The following MIA3 variants were observed in gnomAD, a reference collection of about 807,000 sequenced individuals.
MIA3 encodes the protein transport and Golgi organization protein 1 homolog.
In MIA3, 90 loss-of-function variants were observed where a neutral mutation model predicts 192.4. The observed-to-expected ratio is 0.47, with a 90% confidence interval of 0.39 to 0.56. The LOEUF is 0.56. Among genes scored for constraint, MIA3 ranks in the 20% least tolerant of loss-of-function variants. MIA3 has a pLI of 0.00. For missense variants in MIA3, 2,123 were observed against 2,269.4 expected (o/e 0.94, Z 1.31); for synonymous variants, 740 against 792.8 (o/e 0.93, Z 1.12).
In MIA3 at chr1:222,628,129, T is replaced by G. The variant is rs1398062151; in HGVS notation, c.909T>G (p.Phe303Leu). The G allele has an allele frequency of 6.2e-7, 1 of 1,613,856 alleles. No homozygotes were observed. Among genetic ancestry groups the G allele is most frequent in the East Asian group, 2.2e-5 (1 of 44,890 alleles). Residue 303 changes from phenylalanine to leucine, a missense_variant, in exon 4 of 28, where the codon TTT becomes TTG. Phe to Leu is a conservative substitution (Grantham distance 22). Transcript: ENST00000344922. Reference protein sequence around the residue: ...TRLVTSLEDDFDEELDTEYYA... With the variant: ...TRLVTSLEDDLDEELDTEYYA... ...TCGTTACTTCATTAGAAGATGATTTTGATGAGGAATTGGATACTGAGTATT... is the reference window on the plus strand; with the variant it reads ...TCGTTACTTCATTAGAAGATGATTTGGATGAGGAATTGGATACTGAGTATT...
rs1056746336 is a variant in MIA3, at chr1:222,637,546, A to G, written c.3477+4297A>G. ...TTTTGTTTATTTAAACAGTTTTCAA[A>G]ATAACGAGTTAGACAACTCATTCGT... On this transcript the variant is annotated intron_variant, in intron 6 of 27. Coordinates refer to ENST00000344922, the MANE Select transcript of MIA3 (RefSeq NM_198551.4). 3.3e-5 allele frequency among the ~76,000 whole-genome samples: 5 copies of G among 152,216 alleles called. No homozygotes were observed. In the East Asian group the frequency reaches 9.6e-4, roughly 29 times the overall value.
chr1:222,658,992 G>A (rs895863561), intron 19 of MIA3, 169 bp downstream of exon 19: 3 of 535,662 alleles, frequency 5.6e-6, no homozygotes, highest in Non-Finnish European at 6.7e-6. Context: ...CAAATACCCA[G>A]TGCTGGCAAA....
Position 222,628,815 on chromosome 1 carries a change from C to G in MIA3, c.1595C>G (p.Ala532Gly), listed in dbSNP as rs1216106388. The change falls in exon 4 of 28, where the codon GCT (alanine) becomes GGT (glycine). Residue 532 changes from alanine (A) to glycine (G), a missense_variant. Coordinates refer to ENST00000344922, the MANE Select transcript of MIA3 (RefSeq NM_198551.4). ...ACAGAAAATGACCTAAAAGGAGCAG[C>G]TATTCATATCTCAAAAGGAATGCTC... ...DDTENDLKGAAIHISKGMLHE... is the reference protein window; with the variant it reads ...DDTENDLKGAGIHISKGMLHE... The G allele has an allele frequency of 6.2e-7, 1 of 1,614,098 alleles. No individual in the cohort carries two copies. Among genetic ancestry groups the G allele is most frequent in the Admixed American group, 1.7e-5 (1 of 60,018 alleles).
rs1488453590 is a variant in MIA3 at position 222,659,303 on chromosome 1, T to A, written c.4710-150T>A. On this transcript the variant is annotated intron_variant, in intron 19 of 27. Transcript: ENST00000344922. ...ATCATTAGTTTTCATCATATTGTAC[T>A]TTTGTTATAACCAACCATGTAAAAT... The A allele has an allele frequency of 1.7e-5, 11 of 661,030 alleles. No individual in the cohort carries two copies. The African/African-American group carries it at 1.8e-4, about 11-fold the overall frequency. The allele number at this position is 661,030 out of a possible 1,614,324, so 40.9% of individuals were successfully genotyped here.
At chr1:222,642,078 T>C (rs891360415) in intron 6 of MIA3, among the ~76,000 whole-genome samples, 3 of 152,112 alleles carry the variant, frequency 2.0e-5, no homozygotes, top group African/African-American at 2.4e-5. Flanking sequence ...TATAAAACTT[T>C]AGGAAATGCA....
At chr1:222,643,197 G>A (rs1662940242) in intron 6 of MIA3, among the ~76,000 whole-genome samples, 1 of 152,082 alleles carries the variant, frequency 6.6e-6, no homozygotes, top group South Asian at 2.1e-4. Context: ...TCAGGTTTCT[G>A]ATTAACTTGG....
intron 24 of MIA3, 109 bp from the exon 25 acceptor site, chr1:222,661,947 G>C: frequency 1.3e-6 from 1 of 752,176 alleles, no homozygotes; most frequent in Non-Finnish European, 2.2e-6. Context: ...AATATTGGGA[G>C]ACCCATTTTT....
At chr1:222,620,034 T>G (rs1661786869) in intron 1 of MIA3, among the ~76,000 whole-genome samples, 1 of 152,194 alleles carries the variant, frequency 6.6e-6, no homozygotes, top group African/African-American at 2.4e-5. Context: ...AAATTGTCCA[T>G]CATCTTAAAC....
In MIA3 at chr1:222,630,143, C is replaced by G. The variant is rs926128903; in HGVS notation, c.2923C>G (p.Leu975Val). ...ESLPYNMEKVLDKVFRASESQ... is the reference protein window; with the variant it reads ...ESLPYNMEKVVDKVFRASESQ... ...CCTGCCCTATAATATGGAAAAAGTC[C>G]TAGATAAGGTCTTCCGTGCTTCTGA... is the stretch of plus-strand genomic sequence containing the variant. The change falls in exon 4 of 28, where the codon CTA (leucine) becomes GTA (valine). Residue 975 changes from leucine (L) to valine (V), a missense_variant. Transcript: ENST00000344922. 3 of 1,614,018 alleles carry G rather than the reference C, an allele frequency of 1.9e-6. No individual in the cohort carries two copies. The highest frequency in any genetic ancestry group is 2.7e-5 in the African/African-American group (2 of 74,914).
Position 222,662,479 on chromosome 1 carries a change from G to C in MIA3, c.5262+147G>C, listed in dbSNP as rs555713968. ...AAAGCAAACTGTTCTCCAAGAGCCT[G>C]AAGTCCCCTCAGTTCCCAGCATTAC... is the stretch of plus-strand genomic sequence containing the variant. On this transcript the variant is annotated intron_variant, in intron 26 of 27. Coordinates refer to ENST00000344922, the MANE Select transcript of MIA3 (RefSeq NM_198551.4). 16 of 1,478,644 alleles carry C rather than the reference G, an allele frequency of 1.1e-5. No homozygotes were observed. In the South Asian group the frequency reaches 1.7e-4, roughly 16 times the overall value. The allele number at this position is 1,478,644 out of a possible 1,614,324, so 91.6% of individuals were successfully genotyped here.
At position 222,648,809 on chromosome 1, in the gene MIA3, AT is replaced by A; in HGVS notation, c.3610-16del. 1 of 1,322,466 alleles carries A rather than the reference AT, an allele frequency of 7.6e-7. No individual in the cohort carries two copies. The highest frequency in any genetic ancestry group is 1.1e-6 in the Non-Finnish European group (1 of 926,538). 81.9% of individuals were successfully genotyped at this position (1,322,466 alleles called of 1,614,324 possible). A position where few individuals can be genotyped will look rare whatever the true frequency, so the allele number is the denominator to read the frequency against. The stretch of plus-strand genomic sequence containing the variant: ...AATAAAATGTTTGACATCAAATTTA[AT>A]TTTATTTCTCTTTTCTAGGTGAAGG... On this transcript the variant is annotated intron_variant, in intron 7 of 27. Coordinates refer to ENST00000344922, the MANE Select transcript of MIA3 (RefSeq NM_198551.4).
intron 6 of MIA3, among the ~76,000 whole-genome samples, chr1:222,644,966 C>CTGTTTTCAAGGAAACATTTAGAAT (rs1663066550): frequency 6.6e-6 from 1 of 152,102 alleles, no homozygotes; most frequent in Non-Finnish European, 1.5e-5. Context: ...GTTTAATGCA[C>CTGTTTTCAAGGAAACATTTAGAAT]TGTTTTCAAG....
chr1:222,633,081 T>G (rs770291927), intron 5 of MIA3, 23 bp from the exon 6 acceptor site: 26 of 1,571,400 alleles, frequency 1.7e-5, no homozygotes, highest in Non-Finnish European at 2.0e-5. Context: ...GCACAAAATG[T>G]CTATCTTTCC....
At chr1:222,642,592 G>A (rs1213564547) in intron 6 of MIA3, among the ~76,000 whole-genome samples, 1 of 152,142 alleles carries the variant, frequency 6.6e-6, no homozygotes, top group East Asian at 1.9e-4. Flanking sequence ...GGATTGTTGA[G>A]TCAGTAGGTA....
At chr1:222,664,553 C>G (rs940889624) in intron 27 of MIA3, among the ~76,000 whole-genome samples, 10 of 152,068 alleles carry the variant, frequency 6.6e-5, no homozygotes, top group African/African-American at 2.2e-4. Flanking sequence ...AGCAGTAGGT[C>G]ACAGAATATT....
chr1:222,643,851 GGTAAGACTTTTTAATAGAGT>G (rs2124883328), intron 6 of MIA3, among the ~76,000 whole-genome samples: 1 of 152,242 alleles, frequency 6.6e-6, no homozygotes, highest in East Asian at 1.9e-4. Flanking sequence ...ATGACTCCTG[GGTAAGACTTTTTAATAGAGT>G]GTCGGCAAGA....
intron 6 of MIA3, chr1:222,641,868 T>C: frequency 2.1e-6 from 1 of 475,668 alleles, no homozygotes; most frequent in South Asian, 1.5e-5. Context: ...AAGTTTTATT[T>C]ATAAAAGCCT....
intron 4 of MIA3, among the ~76,000 whole-genome samples, chr1:222,631,088 C>CCCTT (rs1040750352): frequency 6.6e-6 from 1 of 150,894 alleles, no homozygotes; most frequent in Non-Finnish European, 1.5e-5. Context: ...TGCCCACCTG[C>CCCTT]CCTTCCTTCC....
chr1:222,628,331 G>T lies in MIA3; in HGVS notation c.1111G>T (p.Gly371Cys), dbSNP rs1405818669. The change falls in exon 4 of 28, where the codon GGC (glycine) becomes TGC (cysteine). Residue 371 changes from glycine to cysteine, a missense_variant. Gly to Cys is a radical substitution (Grantham distance 159, BLOSUM62 -3). Coordinates refer to ENST00000344922, the MANE Select transcript of MIA3 (RefSeq NM_198551.4). ...EDKVQLTVPP[G>C]IKNDDKNILT... ...CAAGGTTCAGCTAACTGTGCCCCCT[G>T]GCATCAAAAATGATGATAAAAATAT... 1 of 1,613,496 alleles carries T rather than the reference G, an allele frequency of 6.2e-7. No individual in the cohort carries two copies. Among genetic ancestry groups the T allele is most frequent in the Non-Finnish European group, 8.5e-7 (1 of 1,179,880 alleles).
Sources: gnomAD v4.1 joint callset for allele counts (sites outside exome capture counted in the v4.1 genomes callset) on GRCh38, gnomAD v4.1.1 for gene constraint, MANE v1.5 for transcripts, NCBI Gene and HGNC (gene_info 2026-07-23, HGNC 2026-07-21) for gene names.